WDFY4: variants seen among roughly 807,000 people sequenced by gnomAD.
WDFY4 encodes WD repeat- and FYVE domain-containing protein 4.
WDFY4 carries 169 observed loss-of-function variants against 351.9 expected under a neutral mutation model. That is an observed-to-expected ratio of 0.48 (90% CI 0.42 to 0.55). The LOEUF is 0.55. WDFY4 is among the 20% of genes least tolerant of loss of function. The pLI, the probability that WDFY4 is intolerant of heterozygous loss-of-function variation, is 0.00. For missense variants in WDFY4, 3,803 were observed against 3,935.6 expected (o/e 0.97, Z 0.90); for synonymous variants, 1,622 against 1,574.6 (o/e 1.03, Z -0.71).
At chr10:48,718,529 C>T (rs529872196) in intron 2 of WDFY4, among the ~76,000 whole-genome samples, 1 of 152,258 alleles carries the variant, frequency 6.6e-6, no homozygotes, top group Non-Finnish European at 1.5e-5. Context: ...GTGGGTGGTG[C>T]TAGGTGGAAG....
intron 41 of WDFY4, 131 bp from the exon 42 acceptor site, chr10:48,874,958 G>A (rs1308573251): frequency 4.8e-6 from 2 of 418,970 alleles, no homozygotes; most frequent in Non-Finnish European, 8.5e-6. Context: ...CTCTCCCTTT[G>A]CATCTGAGTC....
chr10:48,979,189 C>A (rs1316503099), intron 60 of WDFY4, among the ~76,000 whole-genome samples: 1 of 152,196 alleles, frequency 6.6e-6, no homozygotes, highest in East Asian at 1.9e-4. Flanking sequence ...CACAAAGATG[C>A]AGATCAAGAA....
chr10:48,782,179 T>C (rs969716046), intron 19 of WDFY4, among the ~76,000 whole-genome samples: 1 of 152,190 alleles, frequency 6.6e-6, no homozygotes, highest in Admixed American at 6.5e-5. Context: ...CTCACATTAG[T>C]TGGGATGGGA....
chr10:48,776,746 C>T lies in WDFY4; in HGVS notation c.2864-4C>T, dbSNP rs1204610710. 6.5e-7 allele frequency: 1 copy of T among 1,530,188 alleles called. No homozygotes were observed. The highest frequency in any genetic ancestry group is 2.1e-5 in the Admixed American group (1 of 48,200). The allele number at this position is 1,530,188 out of a possible 1,614,324, so 94.8% of individuals were successfully genotyped here. ...CACATCTCTTCTCTTGCTTGCTGCCCTAGGGTCACAGACTGCACAGGGCTT... is the reference window on the plus strand; with the variant it reads ...CACATCTCTTCTCTTGCTTGCTGCCTTAGGGTCACAGACTGCACAGGGCTT... On this transcript the variant is annotated splice_region_variant and splice_polypyrimidine_tract_variant and intron_variant, in intron 15 of 61. Coordinates refer to ENST00000325239, the MANE Select transcript of WDFY4 (RefSeq NM_001394531.1).
intron 57 of WDFY4, among the ~76,000 whole-genome samples, chr10:48,974,527 A>AAAAAAAAAAAAAAAAAAAAAAAAC: frequency 8.6e-4 from 20 of 23,188 alleles, no homozygotes; most frequent in African/African-American, 1.3e-3. Flanking sequence ...AAAAAAAAAA[A>AAAAAAAAAAAAAAAAAAAAAAAAC]AACAACTCAT....
chr10:48,709,889 G>T lies in WDFY4; in HGVS notation c.157G>T (p.Glu53Ter). 2 of 1,552,060 alleles carry T rather than the reference G, an allele frequency of 1.3e-6. No individual in the cohort carries two copies. The highest frequency in any genetic ancestry group is 1.7e-6 in the Non-Finnish European group (2 of 1,147,090). ...LWDMLERKFL[E>*]YQQLTHKSPI... The stretch of plus-strand genomic sequence containing the variant: ...GGACATGCTGGAAAGGAAGTTTCTG[G>T]AATACCAGCAGTTGACTCACAAGAG... Residue 53 changes from glutamate (E) to a stop codon, truncating the protein, a stop_gained, in exon 2 of 62, where the codon GAA becomes TAA. Transcript: ENST00000325239. LOFTEE classifies it high-confidence loss of function.
chr10:48,805,137 A>G (rs1009751116), intron 25 of WDFY4, 123 bp from the exon 26 acceptor site: 2 of 1,156,204 alleles, frequency 1.7e-6, no homozygotes, highest in African/African-American at 3.1e-5. Flanking sequence ...CAAATTGCCA[A>G]GAGAGCATTG....
chr10:48,963,714 G>T (rs533769699), intron 53 of WDFY4, 128 bp from the exon 54 acceptor site: 2 of 1,067,582 alleles, frequency 1.9e-6, no homozygotes, highest in Admixed American at 2.3e-5. Flanking sequence ...ATCAAGCCCA[G>T]GGGCTCATCA....
rs925381195 is a variant in WDFY4 at position 48,946,073 on chromosome 10, G to T, written c.7783G>T (p.Asp2595Tyr). 36 of 1,545,124 alleles carry T rather than the reference G, an allele frequency of 2.3e-5. No individual in the cohort carries two copies. Among genetic ancestry groups the T allele is most frequent in the Non-Finnish European group, 3.0e-5 (34 of 1,145,338 alleles). ...CTTGGCAAATCCGAAGATTTTCCGG[G>T]ATCTTTCAAAGCCCATGGGGGCTCA... is the stretch of plus-strand genomic sequence containing the variant. ...LNLANPKIFR[D>Y]LSKPMGAQTK... The change falls in exon 50 of 62, where the codon GAT becomes TAT. Residue 2595 changes from aspartate (D) to tyrosine (Y), a missense_variant. Around this residue, in one of 3 missense-constraint regions of WDFY4, gnomAD observed 3,054 missense variants for 3,148.6 expected, o/e 0.97. Coordinates refer to ENST00000325239, the MANE Select transcript of WDFY4 (RefSeq NM_001394531.1).
At chr10:48,803,805 T>C (rs1008230089) in intron 25 of WDFY4, among the ~76,000 whole-genome samples, 1 of 152,212 alleles carries the variant, frequency 6.6e-6, no homozygotes, top group Non-Finnish European at 1.5e-5. Context: ...AGGGACTTCG[T>C]TGGCTCTTAC....
At chr10:48,716,307 C>T (rs145590306) in intron 2 of WDFY4, among the ~76,000 whole-genome samples, 58 of 152,348 alleles carry the variant, frequency 3.8e-4, no homozygotes, top group African/African-American at 1.3e-3. Flanking sequence ...TTCCTCTCAT[C>T]TCCCCTAGAG....
intron 39 of WDFY4, among the ~76,000 whole-genome samples, chr10:48,854,886 G>A (rs1055903046): frequency 6.6e-6 from 1 of 152,130 alleles, no homozygotes; most frequent in African/African-American, 2.4e-5. Flanking sequence ...CTGTATTTGT[G>A]CTGCATATCT....
At chr10:48,789,737 C>G (rs976434792) in intron 21 of WDFY4, 137 bp from the exon 22 acceptor site, 1 of 738,816 alleles carries the variant, frequency 1.4e-6, no homozygotes, top group Non-Finnish European at 2.2e-6. Flanking sequence ...GGTTCAATTG[C>G]TATTCATTCC....
At chr10:48,798,169 A>G (rs563420050) in intron 24 of WDFY4, among the ~76,000 whole-genome samples, 11 of 152,240 alleles carry the variant, frequency 7.2e-5, no homozygotes, top group Non-Finnish European at 1.0e-4. Flanking sequence ...ATATTATAAA[A>G]AGAGAATACT....
intron 51 of WDFY4, among the ~76,000 whole-genome samples, chr10:48,954,023 C>T (rs1468103565): frequency 6.6e-6 from 1 of 152,202 alleles, no homozygotes; most frequent in East Asian, 1.9e-4. Context: ...TAACTTGGAT[C>T]AATGTGCAGG....
intron 1 of WDFY4, among the ~76,000 whole-genome samples, chr10:48,687,058 T>C (rs758772325): frequency 5.3e-5 from 8 of 152,200 alleles, no homozygotes; most frequent in Non-Finnish European, 1.0e-4. Context: ...TTTCTGCCAA[T>C]CTGGTAGAAA....
intron 1 of WDFY4, among the ~76,000 whole-genome samples, chr10:48,695,524 A>T (rs766119841): frequency 2.0e-4 from 30 of 152,150 alleles, no homozygotes; most frequent in Non-Finnish European, 4.0e-4. Flanking sequence ...GTCTCGCTTT[A>T]CCCATCTGTA....
At chr10:48,694,037 T>C (rs997031083) in intron 1 of WDFY4, among the ~76,000 whole-genome samples, 1 of 152,244 alleles carries the variant, frequency 6.6e-6, no homozygotes, top group Non-Finnish European at 1.5e-5. Context: ...TCACTTGTGA[T>C]TTTTGTGTCT....
chr10:48,903,313 T>G (rs1837454655), intron 47 of WDFY4, among the ~76,000 whole-genome samples: 1 of 152,132 alleles, frequency 6.6e-6, no homozygotes, highest in Non-Finnish European at 1.5e-5. Flanking sequence ...GTTGGAGGAT[T>G]TTAAGCAGAG....
Sources: gnomAD v4.1 joint callset for allele counts (sites outside exome capture counted in the v4.1 genomes callset) on GRCh38, gnomAD v4.1.1 for gene constraint, gnomAD v4.1.1 regional missense constraint, MANE v1.5 for transcripts, NCBI Gene and HGNC (gene_info 2026-07-23, HGNC 2026-07-21) for gene names.